The following BRINP3 variants were observed in gnomAD, a reference collection of about 807,000 sequenced individuals.
The protein encoded by BRINP3 is BMP/retinoic acid inducible neural specific 3, also known as BMP/retinoic acid-inducible neural-specific protein 3.
BRINP3 carries 19 observed loss-of-function variants against 71.0 expected under a neutral mutation model. That is an observed-to-expected ratio of 0.27 (90% CI 0.19 to 0.39). BRINP3 has a LOEUF of 0.39. Ranked by LOEUF, BRINP3 falls within the 10% of genes least tolerant of loss-of-function variation. BRINP3 has a pLI of 1.00. For synonymous variants in BRINP3, 380 were observed against 337.7 expected, an observed-to-expected ratio of 1.13 and a Z score of -1.37; for missense variants, 959 against 940.8, an observed-to-expected ratio of 1.02 and a Z score of -0.25.
At chr1:190,261,880 T>G in intron 4 of BRINP3, among the ~76,000 whole-genome samples, 1 of 152,186 alleles carries the variant, frequency 6.6e-6, no homozygotes, top group East Asian at 1.9e-4. Flanking sequence ...ACAAGAGCAC[T>G]TTACATCGAA....
chr1:190,135,046 T>C (rs2102365842), intron 7 of BRINP3, among the ~76,000 whole-genome samples: 1 of 152,258 alleles, frequency 6.6e-6, no homozygotes. Context: ...ATCAGAAGTG[T>C]CTGCCAATGC....
intron 2 of BRINP3, among the ~76,000 whole-genome samples, chr1:190,305,364 A>T (rs1031754355): frequency 1.1e-4 from 16 of 151,878 alleles, no homozygotes; most frequent in African/African-American, 3.9e-4. Flanking sequence ...ATGTCCATTA[A>T]TTGATGAATG....
At chr1:190,295,565 T>C (rs1038359880) in intron 2 of BRINP3, among the ~76,000 whole-genome samples, 15 of 152,132 alleles carry the variant, frequency 9.9e-5, no homozygotes, top group South Asian at 2.1e-4. Flanking sequence ...CCGAGGCCAC[T>C]GTAGTCAGGT....
chr1:190,241,572 C>A (rs1331282810), intron 4 of BRINP3, among the ~76,000 whole-genome samples: 3 of 151,938 alleles, frequency 2.0e-5, no homozygotes, highest in Admixed American at 2.0e-4. Context: ...TTGGGTCATT[C>A]ATGAACAAAA....
chr1:190,261,300 C>G (rs966183650), intron 4 of BRINP3, among the ~76,000 whole-genome samples: 3 of 151,856 alleles, frequency 2.0e-5, no homozygotes, highest in Non-Finnish European at 2.9e-5. Context: ...ATGACCAACT[C>G]TAGACATTAC....
At chr1:190,462,332 A>T (rs1490322443) in intron 1 of BRINP3, among the ~76,000 whole-genome samples, 1 of 152,148 alleles carries the variant, frequency 6.6e-6, no homozygotes, top group African/African-American at 2.4e-5. Context: ...CTGGAAAACT[A>T]AGGACTTTTT....
rs905659593 is a variant in BRINP3, at chr1:190,409,342, G to A, written c.236+45313C>T. Among the ~76,000 whole-genome samples the A allele has an allele frequency of 2.6e-5, 4 of 152,136 alleles. No individual in the cohort carries two copies. In the East Asian group the frequency reaches 7.7e-4, roughly 29 times the overall value. ...CCTTTAAAGATAAATATAAATGCCT[G>A]TAGGTTAAAAAATATTACTATGGAC... On this transcript the variant is annotated intron_variant, in intron 2 of 7. Transcript: ENST00000367462.
At chr1:190,299,423 T>G in intron 2 of BRINP3, among the ~76,000 whole-genome samples, 1 of 151,192 alleles carries the variant, frequency 6.6e-6, no homozygotes, top group East Asian at 1.9e-4. Context: ...CTAAAACATA[T>G]ATATATTTAT....
chr1:190,201,828 C>T (rs576775095), intron 6 of BRINP3, among the ~76,000 whole-genome samples: 143 of 152,326 alleles, frequency 9.4e-4, no homozygotes, highest in Admixed American at 2.5e-3. Flanking sequence ...GTTTGGGAAC[C>T]TCTGCCTAGA....
intron 6 of BRINP3, among the ~76,000 whole-genome samples, chr1:190,214,982 T>C (rs1031982869): frequency 1.3e-5 from 2 of 151,724 alleles, no homozygotes; most frequent in South Asian, 2.1e-4. Flanking sequence ...TTTTTCTATC[T>C]TGAATGCCTT....
intron 3 of BRINP3, among the ~76,000 whole-genome samples, chr1:190,267,391 G>C (rs1289735031): frequency 6.6e-6 from 1 of 151,926 alleles, no homozygotes; most frequent in East Asian, 1.9e-4. Flanking sequence ...TATAATATTT[G>C]AATGATAGGC....
At chr1:190,470,532 A>G (rs2102705809) in intron 1 of BRINP3, among the ~76,000 whole-genome samples, 1 of 151,200 alleles carries the variant, frequency 6.6e-6, no homozygotes, top group South Asian at 2.1e-4. Flanking sequence ...TAGGCATTAA[A>G]ACAAATACTT....
intron 7 of BRINP3, among the ~76,000 whole-genome samples, chr1:190,128,589 C>G (rs934374052): frequency 6.6e-6 from 1 of 151,678 alleles, no homozygotes; most frequent in African/African-American, 2.4e-5. Context: ...TGTCCAATAT[C>G]TGACAAAAAT....
At chr1:190,412,256 A>C (rs1164106680) in intron 2 of BRINP3, among the ~76,000 whole-genome samples, 1 of 151,842 alleles carries the variant, frequency 6.6e-6, no homozygotes, top group African/African-American at 2.4e-5. Context: ...AAAACATCTA[A>C]ATATGTGAGA....
chr1:190,353,864 A>T (rs139418086), intron 2 of BRINP3, among the ~76,000 whole-genome samples: 7 of 152,076 alleles, frequency 4.6e-5, no homozygotes, highest in Non-Finnish European at 1.0e-4. Context: ...TCCCTTTAAC[A>T]TCCTCTAAAT....
chr1:190,236,156 A>T (rs1289764818), intron 4 of BRINP3, among the ~76,000 whole-genome samples: 1 of 151,966 alleles, frequency 6.6e-6, no homozygotes, highest in Non-Finnish European at 1.5e-5. Flanking sequence ...ATTGTAAAAA[A>T]CAAGACATAA....
At chr1:190,280,974 CTAAATAGTATT>C (rs1312572225) in intron 3 of BRINP3, among the ~76,000 whole-genome samples, 2 of 151,790 alleles carry the variant, frequency 1.3e-5, no homozygotes, top group Admixed American at 6.6e-5. Context: ...ATTTTTAAGG[CTAAATAGTATT>C]TAACAATATC....
chr1:190,159,402 A>G (rs1346139302), intron 7 of BRINP3, among the ~76,000 whole-genome samples: 1 of 152,090 alleles, frequency 6.6e-6, no homozygotes, highest in African/African-American at 2.4e-5. Flanking sequence ...ATGTCCACAT[A>G]AAAAAGTGTA....
At chr1:190,324,377 G>A (rs1666445646) in intron 2 of BRINP3, among the ~76,000 whole-genome samples, 1 of 151,874 alleles carries the variant, frequency 6.6e-6, no homozygotes, top group African/African-American at 2.4e-5. Context: ...TTCAGAACCA[G>A]TGAATTCACC....
Sources: gnomAD v4.1 joint callset for allele counts (sites outside exome capture counted in the v4.1 genomes callset) on GRCh38, gnomAD v4.1.1 for gene constraint, MANE v1.5 for transcripts, NCBI Gene and HGNC (gene_info 2026-07-23, HGNC 2026-07-21) for gene names.